IL1RAPL1: variants seen among roughly 807,000 people sequenced by gnomAD.
IL1RAPL1 encodes the protein interleukin 1 receptor accessory protein like 1.
In IL1RAPL1, 3 loss-of-function variants were observed where a neutral mutation model predicts 48.4. The observed-to-expected ratio is 0.06, with a 90% CI of 0.03 to 0.16. The LOEUF (loss-of-function observed/expected upper bound fraction) is 0.16, where lower values mean the gene tolerates loss of function less well. Ranked by LOEUF, IL1RAPL1 falls within the 10% of genes least tolerant of loss-of-function variation. The pLI is 1.00. For missense variants in IL1RAPL1, 349 were observed against 530.6 expected (o/e 0.66, Z 3.36); for synonymous variants, 185 against 187.7 (o/e 0.99, Z 0.12).
At chrX:29,107,939 G>A (rs12009127) in intron 2 of IL1RAPL1, among the ~76,000 whole-genome samples, 23,439 of 111,063 alleles carry the variant, frequency 0.21, 2,146 homozygotes, top group African/African-American at 0.35. Flanking sequence ...GAAGTCTGGG[G>A]TAGGTGTTGC....
chrX:28,682,258 A>G lies in IL1RAPL1; in HGVS notation c.-25+94211A>G, dbSNP rs185988552. ...ATAGTGCTGCTCTGAAGATTAATGT[A>G]TAAGTACCTATTTTCAATTCTGTTT... On this transcript the variant is annotated intron_variant, in intron 1 of 10. Coordinates refer to ENST00000378993, the MANE Select transcript of IL1RAPL1 (RefSeq NM_014271.4). 1.7e-3 allele frequency among the ~76,000 whole-genome samples: 191 copies of G among 111,348 alleles called. 1 individual carries two copies. Among genetic ancestry groups the G allele is most frequent in the African/African-American group, 5.9e-3 (180 of 30,601 alleles).
At chrX:29,895,473 A>G (rs1932363692) in intron 6 of IL1RAPL1, among the ~76,000 whole-genome samples, 1 of 112,327 alleles carries the variant, frequency 8.9e-6, no homozygotes, top group African/African-American at 3.2e-5. Context: ...AATTGCTTGG[A>G]GGTGGAGGTT....
At chrX:28,693,667 T>C (rs773669634) in intron 1 of IL1RAPL1, among the ~76,000 whole-genome samples, 2 of 112,018 alleles carry the variant, frequency 1.8e-5, no homozygotes, top group East Asian at 5.7e-4. Flanking sequence ...CTGAATTGAG[T>C]TCAAGTGAAT....
chrX:29,057,066 C>T (rs752759721), intron 2 of IL1RAPL1, among the ~76,000 whole-genome samples: 19 of 111,845 alleles, frequency 1.7e-4, no homozygotes, highest in African/African-American at 5.8e-4. Flanking sequence ...CAGCGGTGTG[C>T]ACTTTAGGAC....
chrX:29,227,560 A>T (rs1931105968), intron 2 of IL1RAPL1, among the ~76,000 whole-genome samples: 1 of 112,309 alleles, frequency 8.9e-6, no homozygotes, highest in African/African-American at 3.2e-5. Context: ...ATGAGTTCCA[A>T]TAAATTTGGA....
intron 1 of IL1RAPL1, among the ~76,000 whole-genome samples, chrX:28,630,270 A>G (rs1171088749): frequency 9.0e-6 from 1 of 111,334 alleles, no homozygotes; most frequent in Non-Finnish European, 1.9e-5. Flanking sequence ...TTCCCAGATA[A>G]TAACTATTTC....
At chrX:29,724,692 C>G (rs7881819) in intron 6 of IL1RAPL1, among the ~76,000 whole-genome samples, 1 of 111,357 alleles carries the variant, frequency 9.0e-6, no homozygotes, top group African/African-American at 3.3e-5. Flanking sequence ...ATTAACAGCA[C>G]GTTGAAAAAC....
intron 1 of IL1RAPL1, among the ~76,000 whole-genome samples, chrX:28,709,907 T>C (rs1935420225): frequency 9.0e-6 from 1 of 111,405 alleles, no homozygotes; most frequent in Non-Finnish European, 1.9e-5. Context: ...CTGTATTGTT[T>C]TAAAAGTGAA....
At chrX:29,046,603 C>A (rs1014674857) in intron 2 of IL1RAPL1, among the ~76,000 whole-genome samples, 6 of 111,701 alleles carry the variant, frequency 5.4e-5, no homozygotes, top group Non-Finnish European at 9.4e-5. Flanking sequence ...GATTTGAATT[C>A]ATACATTATG....
intron 5 of IL1RAPL1, among the ~76,000 whole-genome samples, chrX:29,604,076 A>G (rs1361382820): frequency 8.9e-6 from 1 of 112,312 alleles, no homozygotes; most frequent in Non-Finnish European, 1.9e-5. Flanking sequence ...AGAGTATTGT[A>G]CAGATTTTAC....
intron 6 of IL1RAPL1, among the ~76,000 whole-genome samples, chrX:29,691,772 A>AAAAAAAAAG (rs34962805): frequency 1.4e-4 from 13 of 90,131 alleles, no homozygotes; most frequent in Non-Finnish European, 1.6e-4. Flanking sequence ...AAAAAAAAAA[A>AAAAAAAAAG]CTCACTATAC....
intron 2 of IL1RAPL1, among the ~76,000 whole-genome samples, chrX:29,139,743 T>C (rs1025305729): frequency 1.8e-5 from 2 of 111,471 alleles, no homozygotes; most frequent in Non-Finnish European, 3.8e-5. Context: ...GGCAGAAACA[T>C]GCAATAGATT....
intron 5 of IL1RAPL1, among the ~76,000 whole-genome samples, chrX:29,497,069 G>C (rs1935222247): frequency 8.9e-6 from 1 of 112,594 alleles, no homozygotes; most frequent in African/African-American, 3.2e-5. Context: ...GAGTAATTTT[G>C]ATGAATTCTC....
intron 2 of IL1RAPL1, among the ~76,000 whole-genome samples, chrX:28,809,776 AT>A (rs1286348107): frequency 1.8e-5 from 2 of 109,358 alleles, no homozygotes; most frequent in Non-Finnish European, 3.8e-5. Flanking sequence ...TATGATTTAC[AT>A]TTTTTCCAAA....
intron 3 of IL1RAPL1, among the ~76,000 whole-genome samples, chrX:29,292,791 A>C (rs1233219837): frequency 4.5e-5 from 5 of 111,171 alleles, no homozygotes; most frequent in Non-Finnish European, 9.4e-5. Context: ...AATATCAGCT[A>C]TAATTTATAG....
intron 6 of IL1RAPL1, among the ~76,000 whole-genome samples, chrX:29,810,769 A>G (rs1930365070): frequency 9.0e-6 from 1 of 111,371 alleles, no homozygotes. Flanking sequence ...GGTGTTTCTA[A>G]TCAGCTGTTA....
At chrX:29,608,811 G>A (rs191565167) in intron 5 of IL1RAPL1, among the ~76,000 whole-genome samples, 1 of 107,993 alleles carries the variant, frequency 9.3e-6, no homozygotes, top group Non-Finnish European at 1.9e-5. Flanking sequence ...GGGCGACAGA[G>A]CGAGACTCCG....
chrX:28,972,936 T>C (rs1925120762), intron 2 of IL1RAPL1, among the ~76,000 whole-genome samples: 1 of 111,274 alleles, frequency 9.0e-6, no homozygotes, highest in African/African-American at 3.3e-5. Flanking sequence ...TTTAAATCTC[T>C]CATACTTTTT....
intron 1 of IL1RAPL1, among the ~76,000 whole-genome samples, chrX:28,665,970 C>A (rs1034693749): frequency 8.9e-6 from 1 of 112,149 alleles, no homozygotes; most frequent in Non-Finnish European, 1.9e-5. Flanking sequence ...GGTGCTTGCC[C>A]ACGCTGCACT....
Sources: gnomAD v4.1 joint callset for allele counts (sites outside exome capture counted in the v4.1 genomes callset) on GRCh38, gnomAD v4.1.1 for gene constraint, MANE v1.5 for transcripts, NCBI Gene and HGNC (gene_info 2026-07-23, HGNC 2026-07-21) for gene names.